The following EPHB1 variants were observed in gnomAD, a reference collection of about 807,000 sequenced individuals.
EPHB1 encodes the protein EPH receptor B1, also known as ephrin type-B receptor 1.
In EPHB1, 30 loss-of-function variants were observed where a neutral mutation model predicts 94.4. The observed-to-expected ratio is 0.32, with a 90% confidence interval of 0.24 to 0.43. The LOEUF is 0.43. Ranked by LOEUF, EPHB1 falls within the 20% of genes least tolerant of loss-of-function variation. The pLI, the probability that EPHB1 is intolerant of heterozygous loss-of-function variation, is 1.00. For synonymous variants in EPHB1, 522 were observed against 489.1 expected (o/e 1.07, Z -0.89); for missense variants, 1,055 against 1,308.3 (o/e 0.81, Z 2.99).
intron 3 of EPHB1, among the ~76,000 whole-genome samples, chr3:134,981,265 G>A (rs1934390763): frequency 6.6e-6 from 1 of 152,168 alleles, no homozygotes; most frequent in African/African-American, 2.4e-5. Flanking sequence ...GTCAGCGGGG[G>A]CTAGGTTGTG....
intron 3 of EPHB1, among the ~76,000 whole-genome samples, chr3:134,964,783 C>T (rs1209577683): frequency 3.3e-5 from 5 of 152,174 alleles, no homozygotes; most frequent in Non-Finnish European, 5.9e-5. Flanking sequence ...TTATTCCGTT[C>T]TCTTGTCTGT....
chr3:134,979,604 C>G (rs1934329561), intron 3 of EPHB1, among the ~76,000 whole-genome samples: 1 of 152,132 alleles, frequency 6.6e-6, no homozygotes, highest in African/African-American at 2.4e-5. Flanking sequence ...TGGCCCCCAA[C>G]TTACAATGGT....
intron 1 of EPHB1, among the ~76,000 whole-genome samples, chr3:134,813,952 C>T (rs973355641): frequency 2.0e-5 from 3 of 152,210 alleles, no homozygotes; most frequent in Admixed American, 6.5e-5. Context: ...CGCTGCATCA[C>T]TTCTGGCTCT....
Position 134,833,320 on chromosome 3 carries a change from G to A in EPHB1, c.58+37631G>A, listed in dbSNP as rs557091180. Among the ~76,000 whole-genome samples the A allele has an allele frequency of 7.1e-4, 108 of 152,342 alleles. No individual in the cohort carries two copies. In the Middle Eastern group the frequency reaches 0.014, roughly 19 times the overall value. On this transcript the variant is annotated intron_variant, in intron 1 of 15. Coordinates refer to ENST00000398015, the MANE Select transcript of EPHB1 (RefSeq NM_004441.5). ...CTGCTTTGATGGGAAAGACTGCCCA[G>A]GATAGAGTGTGCTGGATGAACTCAT...
chr3:134,926,007 C>A, intron 2 of EPHB1, 127 bp downstream of exon 2: 3 of 759,318 alleles, frequency 4.0e-6, no homozygotes, highest in Non-Finnish European at 4.1e-6. Flanking sequence ...ATGGCTGTGT[C>A]CACTGCCCAT....
At chr3:135,018,796 A>G (rs1004139567) in intron 3 of EPHB1, among the ~76,000 whole-genome samples, 1 of 152,076 alleles carries the variant, frequency 6.6e-6, no homozygotes, top group Non-Finnish European at 1.5e-5. Context: ...TGCCGGCCTC[A>G]TTTCCTCCAC....
intron 5 of EPHB1, among the ~76,000 whole-genome samples, chr3:135,142,786 A>G (rs1013049400): frequency 2.0e-5 from 3 of 152,138 alleles, no homozygotes; most frequent in Admixed American, 2.0e-4. Context: ...CACACACAGG[A>G]GGGCAAGGCT....
chr3:135,127,665 T>C (rs1195206020), intron 4 of EPHB1, among the ~76,000 whole-genome samples: 1 of 152,202 alleles, frequency 6.6e-6, no homozygotes, highest in Non-Finnish European at 1.5e-5. Flanking sequence ...GGAGTGCTCT[T>C]ATTTCCAGCT....
At chr3:134,937,912 C>CTTTTT (rs113610495) in intron 2 of EPHB1, among the ~76,000 whole-genome samples, 2 of 122,610 alleles carry the variant, frequency 1.6e-5, no homozygotes, top group African/African-American at 3.2e-5. Context: ...TGGTTCCCTC[C>CTTTTT]TTTTTTTTTT....
intron 3 of EPHB1, among the ~76,000 whole-genome samples, chr3:135,003,152 T>G (rs1277422202): frequency 1.3e-5 from 2 of 150,908 alleles, no homozygotes; most frequent in African/African-American, 4.8e-5. Context: ...GATTCTGGTA[T>G]GTTGTGTCTT....
intron 1 of EPHB1, among the ~76,000 whole-genome samples, chr3:134,861,025 G>A (rs2037245317): frequency 6.6e-6 from 1 of 152,166 alleles, no homozygotes; most frequent in South Asian, 2.1e-4. Flanking sequence ...TATGGAAGAT[G>A]CAGTGAGTGG....
At chr3:135,191,021 C>G (rs1481533999) in intron 10 of EPHB1, among the ~76,000 whole-genome samples, 1 of 151,632 alleles carries the variant, frequency 6.6e-6, no homozygotes, top group African/African-American at 2.4e-5. Flanking sequence ...GCAAGATGAT[C>G]GCTTAGCCCA....
intron 1 of EPHB1, among the ~76,000 whole-genome samples, chr3:134,901,158 A>G (rs1201986199): frequency 5.3e-5 from 8 of 152,194 alleles, no homozygotes; most frequent in African/African-American, 1.7e-4. Flanking sequence ...CATAACCACA[A>G]TATTATTATC....
At chr3:134,824,125 CT>C (rs373504139) in intron 1 of EPHB1, among the ~76,000 whole-genome samples, 8,177 of 99,980 alleles carry the variant, frequency 0.082, 73 homozygotes, top group South Asian at 0.14. Flanking sequence ...GGATAATGCC[CT>C]TTTTTTTTTT....
chr3:135,016,220 C>A (rs1935792266), intron 3 of EPHB1, among the ~76,000 whole-genome samples: 1 of 152,140 alleles, frequency 6.6e-6, no homozygotes, highest in Non-Finnish European at 1.5e-5. Context: ...TTTGGGTCAC[C>A]TTAAAGTACT....
At chr3:135,048,244 CTTTCTTTCT>C (rs1937062123) in intron 3 of EPHB1, among the ~76,000 whole-genome samples, 1 of 81,112 alleles carries the variant, frequency 1.2e-5, no homozygotes. Context: ...TTTTCTTTTT[CTTTCTTTCT>C]TTTTTCTTTT....
At chr3:135,082,727 A>G (rs542764075) in intron 3 of EPHB1, among the ~76,000 whole-genome samples, 15 of 152,368 alleles carry the variant, frequency 9.8e-5, no homozygotes, top group Non-Finnish European at 1.5e-4. Flanking sequence ...TTGGAACAGC[A>G]TAAGTCACAT....
chr3:135,241,852 A>G (rs1004013010), intron 13 of EPHB1, among the ~76,000 whole-genome samples: 2 of 152,176 alleles, frequency 1.3e-5, no homozygotes, highest in African/African-American at 2.4e-5. Flanking sequence ...CATATCACCT[A>G]TCAGTGAAGG....
intron 3 of EPHB1, among the ~76,000 whole-genome samples, chr3:135,016,914 C>T (rs1055301249): frequency 6.6e-6 from 1 of 152,166 alleles, no homozygotes; most frequent in Non-Finnish European, 1.5e-5. Flanking sequence ...CCAGAGTTCT[C>T]CTGCTTATCT....
Sources: allele counts gnomAD v4.1 joint callset (sites outside exome capture counted in the v4.1 genomes callset), GRCh38; gene constraint gnomAD v4.1.1; transcripts MANE v1.5; gene names NCBI Gene and HGNC (gene_info 2026-07-23, HGNC 2026-07-21).